Variants in SORCS1 observed in about 807,000 individuals in gnomAD.
The protein encoded by SORCS1 is VPS10 domain-containing receptor SorCS1.
Under a neutral mutation model 146.1 loss-of-function variants are expected in SORCS1, and 60 were observed. The ratio of observed to expected loss-of-function variants is 0.41; its 90% confidence interval spans 0.33 to 0.51. The LOEUF is 0.51. Among genes scored for constraint, SORCS1 ranks in the 20% least tolerant of loss-of-function variants. The pLI is 0.21. For synonymous variants in SORCS1, 637 were observed against 584.0 expected (o/e 1.09, Z -1.31); for missense variants, 1,352 against 1,487.6 (o/e 0.91, Z 1.50).
intron 1 of SORCS1, among the ~76,000 whole-genome samples, chr10:107,014,735 T>C (rs565163261): frequency 3.9e-5 from 6 of 152,300 alleles, no homozygotes; most frequent in Admixed American, 1.3e-4. Context: ...TGATGGACAT[T>C]CACGTTTGAA....
At chr10:106,682,140 A>C (rs71475414) in intron 10 of SORCS1, among the ~76,000 whole-genome samples, 1 of 152,130 alleles carries the variant, frequency 6.6e-6, no homozygotes, top group Non-Finnish European at 1.5e-5. Context: ...ATACAAAACC[A>C]AAACAAAAAC....
chr10:107,047,020 G>A (rs995556827), intron 1 of SORCS1, among the ~76,000 whole-genome samples: 3 of 151,924 alleles, frequency 2.0e-5, no homozygotes, highest in Non-Finnish European at 2.9e-5. Context: ...ATGGAATCTC[G>A]CTCTATTGTC....
At chr10:106,692,340 T>A (rs1361354058) in intron 9 of SORCS1, among the ~76,000 whole-genome samples, 1 of 152,214 alleles carries the variant, frequency 6.6e-6, no homozygotes, top group African/African-American at 2.4e-5. Context: ...GTGCTGGGAT[T>A]CCAGGTGTGA....
In SORCS1 at chr10:106,849,031, T is replaced by TGAAA. The variant is rs1195468137; in HGVS notation, c.627-19359_627-19358insTTTC. Among the ~76,000 whole-genome samples, 409 of 150,008 alleles carry TGAAA rather than the reference T, an allele frequency of 2.7e-3. 1 individual carries two copies. Among genetic ancestry groups the TGAAA allele is most frequent in the Non-Finnish European group, 4.1e-3 (278 of 67,068 alleles). ...ACTGCCCTTAACATTTTTTCCTTCA[T>TGAAA]TTCAACTTTGGTGAATCTGACAATT... is the stretch of plus-strand genomic sequence containing the variant. On this transcript the variant is annotated intron_variant, in intron 2 of 25. Coordinates refer to ENST00000263054, the MANE Select transcript of SORCS1 (RefSeq NM_052918.5).
intron 1 of SORCS1, among the ~76,000 whole-genome samples, chr10:106,971,253 T>A (rs1955773347): frequency 6.6e-6 from 1 of 152,206 alleles, no homozygotes. Context: ...GTGCTCATGT[T>A]CAAATCAGCA....
chr10:107,132,503 A>G (rs1251976106), intron 1 of SORCS1, among the ~76,000 whole-genome samples: 1 of 152,178 alleles, frequency 6.6e-6, no homozygotes, highest in Non-Finnish European at 1.5e-5. Flanking sequence ...CATGGTGGCA[A>G]GCAATCTTTA....
At chr10:106,616,150 T>G (rs1179513977) in intron 21 of SORCS1, among the ~76,000 whole-genome samples, 1 of 152,248 alleles carries the variant, frequency 6.6e-6, no homozygotes, top group East Asian at 1.9e-4. Flanking sequence ...TGGGCCATAA[T>G]TTCCTATCTA....
intron 1 of SORCS1, among the ~76,000 whole-genome samples, chr10:106,962,757 T>G (rs1366401269): frequency 6.6e-6 from 1 of 152,196 alleles, no homozygotes; most frequent in African/African-American, 2.4e-5. Context: ...TTAGCCATAC[T>G]AATGGTCATA....
intron 1 of SORCS1, among the ~76,000 whole-genome samples, chr10:107,046,187 G>A (rs998849277): frequency 2.6e-5 from 4 of 152,060 alleles, no homozygotes; most frequent in East Asian, 1.9e-4. Context: ...TTCGTGATCC[G>A]CCCACCTTGG....
the SORCS1 span, among the ~76,000 whole-genome samples, chr10:107,174,965 C>T: frequency 6.6e-6 from 1 of 152,102 alleles, no homozygotes; most frequent in African/African-American, 2.4e-5. Flanking sequence ...AATTTGCTGA[C>T]ATTTTAACAA....
intron 2 of SORCS1, among the ~76,000 whole-genome samples, chr10:106,839,743 T>C (rs771009891): frequency 6.6e-6 from 1 of 152,304 alleles, no homozygotes; most frequent in East Asian, 1.9e-4. Flanking sequence ...GACTTTCTTG[T>C]TGGGGGCTAA....
At chr10:106,892,712 A>T (rs1194338174) in intron 2 of SORCS1, among the ~76,000 whole-genome samples, 2 of 152,182 alleles carry the variant, frequency 1.3e-5, no homozygotes, top group South Asian at 4.1e-4. Flanking sequence ...TTACTGGCCA[A>T]ATAAAGAAGT....
chr10:106,643,004 C>A (rs1417860048), intron 18 of SORCS1, among the ~76,000 whole-genome samples: 1 of 152,162 alleles, frequency 6.6e-6, no homozygotes, highest in Non-Finnish European at 1.5e-5. Flanking sequence ...CTTATAATCC[C>A]AGCCGTGGGT....
intron 1 of SORCS1, among the ~76,000 whole-genome samples, chr10:107,033,862 C>T (rs552503667): frequency 1.3e-5 from 2 of 152,272 alleles, no homozygotes; most frequent in East Asian, 3.9e-4. Context: ...TCCAGGAGAA[C>T]TTTCCAGCCA....
At chr10:106,686,148 G>A (rs1197580077) in intron 10 of SORCS1, among the ~76,000 whole-genome samples, 1 of 152,176 alleles carries the variant, frequency 6.6e-6, no homozygotes, top group Admixed American at 6.5e-5. Flanking sequence ...CTAGAGAAGT[G>A]ATTGCCAAGT....
intron 23 of SORCS1, among the ~76,000 whole-genome samples, 184 bp from the exon 24 acceptor site, chr10:106,597,634 C>T (rs936252485): frequency 2.6e-5 from 4 of 152,082 alleles, no homozygotes; most frequent in Non-Finnish European, 5.9e-5. Context: ...TTAAGCATGA[C>T]CTGTCTTTAC....
chr10:106,916,357 T>C (rs1220527027), intron 2 of SORCS1, among the ~76,000 whole-genome samples: 2 of 151,876 alleles, frequency 1.3e-5, no homozygotes, highest in Non-Finnish European at 2.9e-5. Context: ...ACATTTTTTT[T>C]CCATTATACT....
At chr10:106,635,540 G>A (rs1459896742) in intron 18 of SORCS1, among the ~76,000 whole-genome samples, 1 of 152,168 alleles carries the variant, frequency 6.6e-6, no homozygotes, top group Non-Finnish European at 1.5e-5. Flanking sequence ...GAAGTGAGGG[G>A]CAGGAAGGGA....
At chr10:107,135,144 T>C (rs373575786) in intron 1 of SORCS1, among the ~76,000 whole-genome samples, 1 of 152,228 alleles carries the variant, frequency 6.6e-6, no homozygotes, top group Non-Finnish European at 1.5e-5. Context: ...TTATTCGTTA[T>C]GGTAAATAAT....
Sources: gnomAD v4.1 joint callset for allele counts (sites outside exome capture counted in the v4.1 genomes callset) on GRCh38, gnomAD v4.1.1 for gene constraint, MANE v1.5 for transcripts, NCBI Gene and HGNC (gene_info 2026-07-23, HGNC 2026-07-21) for gene names.